CABLES1: variants seen among roughly 807,000 people sequenced by gnomAD.
CABLES1 encodes the protein Cdk5 and Abl enzyme substrate 1.
Under a neutral mutation model 57.8 loss-of-function variants are expected in CABLES1, and 36 were observed. That is an observed-to-expected ratio of 0.62 (90% CI 0.48 to 0.82). The LOEUF (loss-of-function observed/expected upper bound fraction) is 0.82. CABLES1 is among the 40% of genes least tolerant of loss of function. The pLI, the probability that CABLES1 is intolerant of heterozygous loss-of-function variation, is 0.00. For synonymous variants in CABLES1, 374 were observed against 363.0 expected (o/e 1.03, Z -0.35); for missense variants, 767 against 836.6 (o/e 0.92, Z 1.03).
At chr18:23,187,046 T>A (rs1369767592) in intron 1 of CABLES1, among the ~76,000 whole-genome samples, 1 of 152,160 alleles carries the variant, frequency 6.6e-6, no homozygotes, top group African/African-American at 2.4e-5. Flanking sequence ...GCAAGCTCTG[T>A]CCCCTGAGTT....
chr18:23,250,342 G>T (rs568483915), intron 7 of CABLES1, among the ~76,000 whole-genome samples: 1 of 152,072 alleles, frequency 6.6e-6, no homozygotes, highest in Non-Finnish European at 1.5e-5. Flanking sequence ...TGCCTGGATT[G>T]GGGGGTGAGG....
intron 1 of CABLES1, among the ~76,000 whole-genome samples, chr18:23,169,062 C>G (rs1426905103): frequency 6.6e-6 from 1 of 152,150 alleles, no homozygotes; most frequent in Non-Finnish European, 1.5e-5. Flanking sequence ...CGGCTAAATC[C>G]CACCAAAACC....
At chr18:23,216,034 G>A (rs556871998) in intron 4 of CABLES1, among the ~76,000 whole-genome samples, 14 of 152,300 alleles carry the variant, frequency 9.2e-5, no homozygotes, top group Non-Finnish European at 1.2e-4. Flanking sequence ...GATTACAGGC[G>A]TGAGCCACCA....
intron 1 of CABLES1, among the ~76,000 whole-genome samples, chr18:23,176,429 A>G (rs1033770509): frequency 2.0e-5 from 3 of 152,118 alleles, no homozygotes; most frequent in Admixed American, 1.3e-4. Context: ...CTTGCCTGCT[A>G]CTGTGTGGCC....
intron 7 of CABLES1, among the ~76,000 whole-genome samples, chr18:23,247,572 G>A (rs1163148924): frequency 6.6e-6 from 1 of 152,226 alleles, no homozygotes; most frequent in Non-Finnish European, 1.5e-5. Context: ...GGTGCCTGCC[G>A]CTGTCGACAT....
chr18:23,251,715 A>G (rs183165245), intron 7 of CABLES1, among the ~76,000 whole-genome samples: 4 of 152,338 alleles, frequency 2.6e-5, no homozygotes, highest in Admixed American at 2.0e-4. Context: ...ACTGGTTACC[A>G]TTATATACAT....
At chr18:23,200,875 A>T (rs985704658) in intron 3 of CABLES1, among the ~76,000 whole-genome samples, 4 of 152,230 alleles carry the variant, frequency 2.6e-5, no homozygotes, top group Non-Finnish European at 5.9e-5. Flanking sequence ...GAAATTTGTC[A>T]GCTGACCATC....
chr18:23,155,361 A>T (rs2046958662), intron 1 of CABLES1, among the ~76,000 whole-genome samples: 1 of 152,216 alleles, frequency 6.6e-6, no homozygotes, highest in African/African-American at 2.4e-5. Flanking sequence ...GTGAGTTGGG[A>T]AACAAATCAC....
At chr18:23,169,740 T>C (rs1274394779) in intron 1 of CABLES1, among the ~76,000 whole-genome samples, 3 of 152,228 alleles carry the variant, frequency 2.0e-5, no homozygotes, top group African/African-American at 7.2e-5. Context: ...TGAAAGAGCC[T>C]CACTTCCTTT....
At chr18:23,235,262 C>T (rs1329882031) in intron 5 of CABLES1, among the ~76,000 whole-genome samples, 1 of 152,220 alleles carries the variant, frequency 6.6e-6, no homozygotes, top group Non-Finnish European at 1.5e-5. Flanking sequence ...CTGTGTATGG[C>T]AATGACGCAA....
Position 23,258,528 on chromosome 18 carries a change from T to G in CABLES1, c.*1161T>G, listed in dbSNP as rs1407113880. ...CTTGTCCTGGCTTACTGGGACAGTC[T>G]GTATGAGGCATGTCACCACACTGTC... On this transcript the variant is annotated 3_prime_UTR_variant, in exon 10 of 10. Coordinates refer to ENST00000256925, the MANE Select transcript of CABLES1 (RefSeq NM_001100619.3). 6.6e-6 allele frequency: 1 copy of G among 152,192 alleles called. No individual in the cohort carries two copies. Among genetic ancestry groups the G allele is most frequent in the Non-Finnish European group, 1.5e-5 (1 of 68,052 alleles). The allele number at this position is 152,192 out of a possible 1,614,324, so 9.4% of individuals were successfully genotyped here.
chr18:23,224,717 C>T (rs1175022647), intron 4 of CABLES1, among the ~76,000 whole-genome samples: 3 of 151,424 alleles, frequency 2.0e-5, no homozygotes, highest in African/African-American at 4.9e-5. Context: ...TACAGGTGCC[C>T]GCCACTACAC....
At chr18:23,168,798 G>T (rs1429605873) in intron 1 of CABLES1, among the ~76,000 whole-genome samples, 1 of 152,162 alleles carries the variant, frequency 6.6e-6, no homozygotes, top group Non-Finnish European at 1.5e-5. Flanking sequence ...CCTGGGTGCT[G>T]GAGAAGAGCA....
chr18:23,163,079 G>A lies in CABLES1; in HGVS notation c.846-25759G>A, dbSNP rs74564510. On this transcript the variant is annotated intron_variant, in intron 1 of 9. Transcript: ENST00000256925. ...AGTCCTTGGTGATGGACTGAAGGTG[G>A]CTGTGTTGTGGGGTGCAGGGTGGTG... Among the ~76,000 whole-genome samples the A allele has an allele frequency of 5.3e-3, 804 of 152,264 alleles. 30 individuals carry two copies. The East Asian group carries it at 0.093, about 18-fold the overall frequency.
chr18:23,213,948 T>C lies in CABLES1; in HGVS notation c.1011-29T>C, dbSNP rs752582998. ...TTTGATTCTTTGCATTTAGTGTGTT[T>C]GTTGTTTGTTCTTCTTTTTATTTTT... On this transcript the variant is annotated intron_variant, in intron 3 of 9. Transcript: ENST00000256925. 3 of 1,438,116 alleles carry C rather than the reference T, an allele frequency of 2.1e-6. No homozygotes were observed. The South Asian group carries it at 3.6e-5, about 17-fold the overall frequency. The allele number at this position is 1,438,116 out of a possible 1,614,324, so 89.1% of individuals were successfully genotyped here. A position where few individuals can be genotyped will look rare whatever the true frequency, so the allele number is the denominator to read the frequency against.
In CABLES1 at chr18:23,253,987, G is replaced by C; in HGVS notation, c.1761+51G>C. 5 of 1,526,038 alleles carry C rather than the reference G, an allele frequency of 3.3e-6. No homozygotes were observed. In the South Asian group the frequency reaches 5.6e-5, roughly 17 times the overall value. 94.5% of individuals were successfully genotyped at this position (1,526,038 alleles called of 1,614,324 possible). ...GGAGGAGCACATGCTCCGGTCCGGG[G>C]TTCCTCTCTCAGAAGGATTCGGTCA... is the stretch of plus-strand genomic sequence containing the variant. On this transcript the variant is annotated intron_variant, in intron 9 of 9. Transcript: ENST00000256925.
intron 3 of CABLES1, among the ~76,000 whole-genome samples, chr18:23,196,414 G>C (rs990150679): frequency 6.6e-6 from 1 of 152,184 alleles, no homozygotes. Context: ...CCTCCCACTT[G>C]AGGTTTATTA....
chr18:23,145,058 C>T (rs951040987), intron 1 of CABLES1, among the ~76,000 whole-genome samples: 1 of 152,028 alleles, frequency 6.6e-6, no homozygotes, highest in Admixed American at 6.6e-5. Context: ...GCCTCAGCCT[C>T]CCAAGTAGCT....
chr18:23,186,312 C>T (rs950569016), intron 1 of CABLES1, among the ~76,000 whole-genome samples: 7 of 152,184 alleles, frequency 4.6e-5, no homozygotes, highest in African/African-American at 1.7e-4. Context: ...TTAAGAACTG[C>T]CTTGGGCCTG....
Sources: gnomAD v4.1 joint callset for allele counts (sites outside exome capture counted in the v4.1 genomes callset) on GRCh38, gnomAD v4.1.1 for gene constraint, MANE v1.5 for transcripts, NCBI Gene and HGNC (gene_info 2026-07-23, HGNC 2026-07-21) for gene names.